RUFY2: variants seen among roughly 807,000 people sequenced by gnomAD.
The protein encoded by RUFY2 is RUN and FYVE domain-containing protein 2.
A neutral mutation model predicts 94.4 loss-of-function variants in RUFY2; 49 were observed. That is an observed-to-expected ratio of 0.52 (90% CI 0.41 to 0.66). RUFY2 has a LOEUF of 0.66. Ranked by LOEUF, RUFY2 falls within the 30% of genes least tolerant of loss-of-function variation. The pLI is 0.00. For missense variants in RUFY2, 541 were observed against 692.8 expected (o/e 0.78, Z 2.46); for synonymous variants, 255 against 235.7 (o/e 1.08, Z -0.75).
chr10:68,349,099 T>C (rs1015791002), intron 16 of RUFY2, among the ~76,000 whole-genome samples: 1 of 152,212 alleles, frequency 6.6e-6, no homozygotes, highest in African/African-American at 2.4e-5. Flanking sequence ...GATTTCTCTA[T>C]GGTGAGGCCT....
chr10:68,394,519 C>T (rs2050232365), intron 4 of RUFY2, 68 bp from the exon 5 acceptor site: 2 of 1,124,234 alleles, frequency 1.8e-6, no homozygotes, highest in Non-Finnish European at 2.6e-6. Flanking sequence ...TTTAAAATCA[C>T]CATTATCTTC....
At chr10:68,363,877 G>A (rs541530328) in intron 14 of RUFY2, 107 bp downstream of exon 14, 11 of 926,462 alleles carry the variant, frequency 1.2e-5, no homozygotes, top group African/African-American at 1.7e-5. Context: ...TATTTTTTAA[G>A]ATGACTAGTA....
chr10:68,368,849 C>T (rs1243523694), intron 13 of RUFY2, among the ~76,000 whole-genome samples: 2 of 152,108 alleles, frequency 1.3e-5, no homozygotes, highest in Non-Finnish European at 2.9e-5. Flanking sequence ...ACAAAAAAAG[C>T]CCCAAGTGGA....
chr10:68,345,961 CATTTTTGCACTCCAA>C, intron 17 of RUFY2, 31 bp downstream of exon 17: 1 of 1,611,682 alleles, frequency 6.2e-7, no homozygotes, highest in Non-Finnish European at 8.5e-7. Flanking sequence ...ATAAAATTAG[CATTTTTGCACTCCAA>C]ATTTTTGGAC....
intron 2 of RUFY2, among the ~76,000 whole-genome samples, chr10:68,403,857 TCA>T (rs1242384753): frequency 6.6e-6 from 1 of 150,732 alleles, no homozygotes; most frequent in Non-Finnish European, 1.5e-5. Context: ...AGTGCTACAC[TCA>T]GAGTTCACTG....
rs567376480 is a variant in RUFY2 at position 68,375,881 on chromosome 10, T to A, written c.1325+972A>T. Among the ~76,000 whole-genome samples the A allele has an allele frequency of 4.3e-4, 66 of 152,034 alleles. No individual in the cohort carries two copies. The Middle Eastern group carries it at 0.01, about 24-fold the overall frequency. ...GGGAGGCCAAGGCAGGCAGATCACC[T>A]GAGTTCAGGAGTATGAGACTAGCCT... On this transcript the variant is annotated intron_variant, in intron 13 of 17. Coordinates refer to ENST00000602465, the MANE Select transcript of RUFY2 (RefSeq NM_001330103.2).
rs2046976969 is a variant in RUFY2 at position 68,355,412 on chromosome 10, T to C, written c.1551-11A>G. ...ATTTTAAGTTTTGATCTAAAAAGAT[T>C]ACAAATAGGTCCAAATTTCAGTACA... is the stretch of plus-strand genomic sequence containing the variant. On this transcript the variant is annotated splice_polypyrimidine_tract_variant and intron_variant, in intron 15 of 17. Transcript: ENST00000602465. The C allele has an allele frequency of 2.5e-6, 4 of 1,572,088 alleles. No individual in the cohort carries two copies. The highest frequency in any genetic ancestry group is 1.3e-5 in the African/African-American group (1 of 74,110).
chr10:68,377,789 AT>A (rs2048771157), intron 12 of RUFY2: 1 of 984,870 alleles, frequency 1.0e-6, no homozygotes, highest in Non-Finnish European at 1.2e-6. Context: ...TTCAAAGGAT[AT>A]TAACTCCTTG....
intron 7 of RUFY2, among the ~76,000 whole-genome samples, chr10:68,392,024 C>T (rs1690096617): frequency 6.7e-6 from 1 of 148,800 alleles, no homozygotes; most frequent in African/African-American, 2.4e-5. Context: ...ATATTTCTTT[C>T]TTTTCTTTTT....
chr10:68,382,360 C>A (rs1347228327), intron 10 of RUFY2, among the ~76,000 whole-genome samples: 1 of 151,708 alleles, frequency 6.6e-6, no homozygotes, highest in Non-Finnish European at 1.5e-5. Context: ...CCGGCCAACA[C>A]AGTTTAATTT....
intron 13 of RUFY2, among the ~76,000 whole-genome samples, chr10:68,376,086 G>C (rs1435944586): frequency 6.7e-6 from 1 of 148,342 alleles, no homozygotes; most frequent in African/African-American, 2.5e-5. Context: ...CTGGGCGACA[G>C]AGTGAGACTC....
chr10:68,351,119 TAC>T (rs2046633750), intron 16 of RUFY2, among the ~76,000 whole-genome samples: 1 of 137,238 alleles, frequency 7.3e-6, no homozygotes, highest in African/African-American at 2.7e-5. Flanking sequence ...CATGTATCCA[TAC>T]ATTTTTTTTT....
intron 16 of RUFY2, among the ~76,000 whole-genome samples, chr10:68,351,079 G>A (rs2046630866): frequency 6.9e-6 from 1 of 145,104 alleles, no homozygotes; most frequent in Non-Finnish European, 1.5e-5. Flanking sequence ...TTTTTTTAGA[G>A]TTTACATAAT....
At chr10:68,376,547 T>C (rs1161094645) in intron 13 of RUFY2, among the ~76,000 whole-genome samples, 1 of 140,106 alleles carries the variant, frequency 7.1e-6, no homozygotes, top group Non-Finnish European at 1.5e-5. Flanking sequence ...TACAAAAGCC[T>C]ATACTCAGCA....
chr10:68,379,877 G>A (rs981784182), intron 11 of RUFY2, among the ~76,000 whole-genome samples: 5 of 149,138 alleles, frequency 3.4e-5, no homozygotes, highest in African/African-American at 5.0e-5. Flanking sequence ...GCACCATCTC[G>A]CCTCACTGCA....
Position 68,387,808 on chromosome 10 carries a change from G to A in RUFY2, c.651-1680C>T, listed in dbSNP as rs191878840. On this transcript the variant is annotated intron_variant, in intron 7 of 17. Transcript: ENST00000602465. ...TCACAAGGTCAGGAATTCAAAATCA[G>A]CCTGGCCAACATGGTGAAACCCCGT... Among the ~76,000 whole-genome samples, 7 of 143,828 alleles carry A rather than the reference G, an allele frequency of 4.9e-5. No homozygotes were observed. The East Asian group carries it at 1.5e-3, about 31-fold the overall frequency. The allele number at this position is 143,828 out of a possible 152,430, so 94.4% of individuals were successfully genotyped here. A position where few individuals can be genotyped will look rare whatever the true frequency, so the allele number is the denominator to read the frequency against.
chr10:68,345,461 GAAAA>G lies in RUFY2; in HGVS notation c.*303_*306del. On this transcript the variant is annotated 3_prime_UTR_variant, in exon 18 of 18. Transcript: ENST00000602465. ...AATACCAAATTGACAGAATTCAGAA[GAAAA>G]AAACAATCTGAAGCCTTATTTTTAA... The G allele has an allele frequency of 2.5e-6, 1 of 403,960 alleles. No homozygotes were observed. Among genetic ancestry groups the G allele is most frequent in the Non-Finnish European group, 4.3e-6 (1 of 229,972 alleles). The allele number at this position is 403,960 out of a possible 1,614,324, so 25.0% of individuals were successfully genotyped here. A position where few individuals can be genotyped will look rare whatever the true frequency, so the allele number is the denominator to read the frequency against.
In RUFY2 at chr10:68,345,920, CAG is replaced by C. The variant is rs778533372; in HGVS notation, c.1678-11_1678-10del. Reference sequence around the variant, plus strand: ...CAATTTCTACAGTGGTGCTATTAAACAGAAAAATCAGAGGGAAAAAAACACTT... The same window carrying C: ...CAATTTCTACAGTGGTGCTATTAAACAAAAATCAGAGGGAAAAAAACACTT... On this transcript the variant is annotated splice_polypyrimidine_tract_variant and intron_variant, in intron 17 of 17. Transcript: ENST00000602465. 1.4e-5 allele frequency: 22 copies of C among 1,612,124 alleles called. No homozygotes were observed. Among genetic ancestry groups the C allele is most frequent in the African/African-American group, 4.0e-5 (3 of 74,804 alleles).
At chr10:68,359,741 G>A (rs142809841) in intron 15 of RUFY2, among the ~76,000 whole-genome samples, 15 of 149,168 alleles carry the variant, frequency 1.0e-4, no homozygotes, top group African/African-American at 3.0e-4. Flanking sequence ...GCAGTGAGCC[G>A]AGATTGCACC....
Sources: gnomAD v4.1 joint callset for allele counts (sites outside exome capture counted in the v4.1 genomes callset) on GRCh38, gnomAD v4.1.1 for gene constraint, MANE v1.5 for transcripts, NCBI Gene and HGNC (gene_info 2026-07-23, HGNC 2026-07-21) for gene names.